PRKG2: variants seen among roughly 807,000 people sequenced by gnomAD.
PRKG2 encodes protein kinase cGMP-dependent 2.
A neutral mutation model predicts 97.2 loss-of-function variants in PRKG2; 33 were observed. The observed-to-expected ratio is 0.34, with a 90% confidence interval of 0.26 to 0.45. The LOEUF is 0.45. PRKG2 is among the 20% of genes least tolerant of loss of function. The probability of loss-of-function intolerance (pLI) is 1.00; values close to 1 mark genes in which losing one functional copy is unlikely to be tolerated. For missense variants in PRKG2, 638 were observed against 900.0 expected (o/e 0.71, Z 3.73); for synonymous variants, 330 against 321.8 (o/e 1.03, Z -0.27).
intron 17 of PRKG2, among the ~76,000 whole-genome samples, chr4:81,101,270 C>T (rs1396654962): frequency 7.9e-5 from 12 of 152,140 alleles, no homozygotes; most frequent in Middle Eastern, 3.4e-3. Context: ...TGCACACGTA[C>T]GTTTATTGGG....
chr4:81,170,179 ATG>A (rs1750339151), intron 4 of PRKG2, among the ~76,000 whole-genome samples: 2 of 152,108 alleles, frequency 1.3e-5, no homozygotes, highest in Non-Finnish European at 2.9e-5. Context: ...ATCTGTGTGT[ATG>A]TGTGTGTTTT....
At chr4:81,158,982 C>T (rs1411236271) in intron 6 of PRKG2, among the ~76,000 whole-genome samples, 26 of 151,098 alleles carry the variant, frequency 1.7e-4, no homozygotes, top group African/African-American at 4.7e-4. Context: ...AAGACTTAAA[C>T]GTTAGACCTA....
intron 14 of PRKG2, among the ~76,000 whole-genome samples, chr4:81,123,467 C>G (rs940016012): frequency 2.0e-5 from 3 of 152,204 alleles, no homozygotes; most frequent in Non-Finnish European, 4.4e-5. Context: ...TGCAGTGGCA[C>G]GATCTCGGCT....
At chr4:81,185,693 G>A (rs1264497411) in intron 2 of PRKG2, among the ~76,000 whole-genome samples, 1 of 152,116 alleles carries the variant, frequency 6.6e-6, no homozygotes, top group Admixed American at 6.5e-5. Context: ...ACTGGATAGA[G>A]TCAAGACCCC....
intron 14 of PRKG2, among the ~76,000 whole-genome samples, chr4:81,133,429 T>TA (rs1746365694): frequency 6.6e-6 from 1 of 152,146 alleles, no homozygotes; most frequent in South Asian, 2.1e-4. Flanking sequence ...GCACAGCTAC[T>TA]AAAATCAAAC....
At chr4:81,105,353 C>G (rs1743218421) in intron 16 of PRKG2, among the ~76,000 whole-genome samples, 1 of 152,066 alleles carries the variant, frequency 6.6e-6, no homozygotes, top group Admixed American at 6.6e-5. Flanking sequence ...TCCATGTGTT[C>G]AAATTTTTTA....
chr4:81,131,183 C>G (rs944608514), intron 14 of PRKG2, among the ~76,000 whole-genome samples: 1 of 151,966 alleles, frequency 6.6e-6, no homozygotes, highest in South Asian at 2.1e-4. Flanking sequence ...TATCTGGGGC[C>G]GGAATTCACC....
At chr4:81,114,316 T>A (rs1179636913) in intron 14 of PRKG2, among the ~76,000 whole-genome samples, 2 of 150,166 alleles carry the variant, frequency 1.3e-5, no homozygotes, top group Non-Finnish European at 3.0e-5. Flanking sequence ...TCAACCTGTG[T>A]TTGGTGAAAA....
intron 3 of PRKG2, among the ~76,000 whole-genome samples, chr4:81,172,559 A>G (rs1456591066): frequency 1.3e-5 from 2 of 152,206 alleles, no homozygotes; most frequent in Non-Finnish European, 2.9e-5. Flanking sequence ...GGAGGAAGGG[A>G]GAGGCAGAAG....
chr4:81,183,922 T>G (rs1359774129), intron 2 of PRKG2, among the ~76,000 whole-genome samples: 1 of 152,184 alleles, frequency 6.6e-6, no homozygotes, highest in Admixed American at 6.5e-5. Flanking sequence ...GCAAAGATGC[T>G]GCGGCCTGAC....
At chr4:81,104,246 C>A in intron 17 of PRKG2, 124 bp downstream of exon 17, 1 of 488,186 alleles carries the variant, frequency 2.0e-6, no homozygotes, top group Non-Finnish European at 3.5e-6. Flanking sequence ...AAAAGCAAAG[C>A]ACTATAAAGA....
chr4:81,187,130 C>T (rs552800269), intron 2 of PRKG2, among the ~76,000 whole-genome samples: 2 of 152,264 alleles, frequency 1.3e-5, no homozygotes, highest in South Asian at 4.1e-4. Context: ...TTTTATGAGG[C>T]CAGCATCATC....
chr4:81,182,386 T>A (rs997124830), intron 2 of PRKG2, among the ~76,000 whole-genome samples: 2 of 151,992 alleles, frequency 1.3e-5, no homozygotes, highest in Non-Finnish European at 2.9e-5. Context: ...AAATTAAGTA[T>A]AGAGGAAAAT....
In PRKG2 at chr4:81,144,253, T is replaced by A. The variant is rs1257158457; in HGVS notation, c.1232A>T (p.Asp411Val). Residue 411 changes from aspartate to valine, a missense_variant, in exon 10 of 19, where the codon GAT becomes GTT. By Grantham distance (152) the Asp-to-Val change is radical. Transcript: ENST00000264399. ...LEGYVANLNRDDEKRHAKRSM... is the reference protein window; with the variant it reads ...LEGYVANLNRVDEKRHAKRSM... The stretch of plus-strand genomic sequence containing the variant: ...TTACTTCGCATGTCTTTTTTCATCA[T>A]CACGGTTCAGGTTTGCCACATATCC... 2.5e-6 allele frequency: 4 copies of A among 1,610,932 alleles called. No individual in the cohort carries two copies.
In PRKG2 at chr4:81,206,800, CA is replaced by C. The variant is rs558844707; in HGVS notation, c.-13-1741del. 6.6e-4 allele frequency among the ~76,000 whole-genome samples: 100 copies of C among 152,252 alleles called. 1 individual carries two copies. Among genetic ancestry groups the C allele is most frequent in the Non-Finnish European group, 5.9e-5 (4 of 68,024 alleles). On this transcript the variant is annotated intron_variant, in intron 1 of 18. Transcript: ENST00000264399. ...CTCTACAACAACAAAGGCACAGATG[CA>C]AAGATGTAACACAGCATCTAGATTT... is the stretch of plus-strand genomic sequence containing the variant.
chr4:81,151,886 A>C, intron 8 of PRKG2, 74 bp downstream of exon 8: 1 of 1,177,182 alleles, frequency 8.5e-7, no homozygotes, highest in Non-Finnish European at 1.2e-6. Context: ...TCAATTTAAC[A>C]ACTCTAAATG....
chr4:81,145,004 T>G (rs1350169770), intron 9 of PRKG2, among the ~76,000 whole-genome samples: 1 of 152,070 alleles, frequency 6.6e-6, no homozygotes, highest in South Asian at 2.1e-4. Context: ...ATCCAGTCTA[T>G]CATTGTTGGA....
chr4:81,149,277 G>A (rs933177612), intron 8 of PRKG2, among the ~76,000 whole-genome samples: 1 of 151,986 alleles, frequency 6.6e-6, no homozygotes, highest in Non-Finnish European at 1.5e-5. Context: ...GATCAAAGGA[G>A]AACTATTCAC....
intron 1 of PRKG2, among the ~76,000 whole-genome samples, chr4:81,214,076 G>A (rs710840): frequency 0.28 from 40,736 of 143,564 alleles, 5,791 homozygotes; most frequent in African/African-American, 0.37. Flanking sequence ...AACTTGCAAA[G>A]AAAAGAGACA....
Sources: gnomAD v4.1 joint callset for allele counts (sites outside exome capture counted in the v4.1 genomes callset) on GRCh38, gnomAD v4.1.1 for gene constraint, MANE v1.5 for transcripts, NCBI Gene and HGNC (gene_info 2026-07-23, HGNC 2026-07-21) for gene names.